The following SLC44A5 variants were observed in gnomAD, a reference collection of about 807,000 sequenced individuals.
SLC44A5 encodes solute carrier family 44 member 5, also known as choline transporter-like protein 5.
SLC44A5 carries 57 observed loss-of-function variants against 101.8 expected under a neutral mutation model. The ratio of observed to expected loss-of-function variants is 0.56; its 90% CI spans 0.45 to 0.70. SLC44A5 has a LOEUF of 0.70. SLC44A5 is among the 30% of genes least tolerant of loss of function. The pLI, the probability that SLC44A5 is intolerant of heterozygous loss-of-function variation, is 0.00. For missense variants in SLC44A5, 737 were observed against 853.1 expected (o/e 0.86, Z 1.70); for synonymous variants, 281 against 290.9 (o/e 0.97, Z 0.35).
the SLC44A5 span, among the ~76,000 whole-genome samples, chr1:75,708,647 C>T: frequency 2.6e-5 from 4 of 151,822 alleles, no homozygotes; most frequent in Non-Finnish European, 4.4e-5. Flanking sequence ...ACATTAAAAA[C>T]GATGGCAATT....
At chr1:75,581,385 G>C (rs78451433) in intron 1 of SLC44A5, among the ~76,000 whole-genome samples, 7,355 of 152,172 alleles carry the variant, frequency 0.048, 200 homozygotes, top group East Asian at 0.1. Context: ...AAATGAACTG[G>C]CTTATACTCA....
intron 4 of SLC44A5, among the ~76,000 whole-genome samples, chr1:75,325,072 A>G (rs1167134482): frequency 6.6e-6 from 1 of 152,182 alleles, no homozygotes; most frequent in South Asian, 2.1e-4. Context: ...ACAAGTAAAC[A>G]AAAAATTCTC....
the SLC44A5 span, among the ~76,000 whole-genome samples, chr1:75,692,973 T>G: frequency 6.6e-6 from 1 of 152,082 alleles, no homozygotes; most frequent in South Asian, 2.1e-4. Context: ...GCAAGACTGT[T>G]GAAGGTATAT....
intron 1 of SLC44A5, among the ~76,000 whole-genome samples, chr1:75,599,583 G>C (rs1674854231): frequency 6.6e-6 from 1 of 152,156 alleles, no homozygotes; most frequent in African/African-American, 2.4e-5. Flanking sequence ...TGTTATGGGA[G>C]CAATGAGAAA....
rs192095760 is a variant in SLC44A5, at chr1:75,222,639, A to G, written c.986-179T>C. On this transcript the variant is annotated intron_variant, in intron 13 of 23. Coordinates refer to ENST00000370859, the MANE Select transcript of SLC44A5 (RefSeq NM_001130058.2). ...CGAAATTAACTTTCACAAAATCCTAAGAAATCTAGATTAAAGCCTTTAGCA... is the reference window on the plus strand; with the variant it reads ...CGAAATTAACTTTCACAAAATCCTAGGAAATCTAGATTAAAGCCTTTAGCA... 4.5e-4 allele frequency among the ~76,000 whole-genome samples: 68 copies of G among 152,330 alleles called. 1 individual carries two copies. Among genetic ancestry groups the G allele is most frequent in the African/African-American group, 1.6e-3 (67 of 41,584 alleles).
At position 75,274,997 on chromosome 1, in the gene SLC44A5, C is replaced by T. The variant is rs1367903347; in HGVS notation, c.221G>A (p.Ser74Asn). The change falls in exon 6 of 24, where the codon AGC becomes AAC. Residue 74 changes from serine to asparagine, a missense_variant. Physicochemically the swap from Ser to Asn is conservative, Grantham distance 46. This residue lies in a region of SLC44A5 where 665 missense variants were observed against 764.4 expected (regional missense o/e 0.87). Transcript: ENST00000370859. ...DPRRAAYPTD[S>N]QGHFCGQKGT... is the part of the protein sequence containing the mutation. Reference sequence around the variant, plus strand: ...CTTCTGGCCACAAAAGTGGCCCTGGCTGTCTGTAGGATAGGCTGCTCTTCT... The same window carrying T: ...CTTCTGGCCACAAAAGTGGCCCTGGTTGTCTGTAGGATAGGCTGCTCTTCT... The T allele has an allele frequency of 1.2e-6, 2 of 1,612,966 alleles. No homozygotes were observed. The highest frequency in any genetic ancestry group is 3.3e-5 in the Admixed American group (2 of 59,792).
chr1:75,235,450 T>C (rs573565812), intron 11 of SLC44A5, among the ~76,000 whole-genome samples: 13 of 151,998 alleles, frequency 8.6e-5, no homozygotes, highest in Non-Finnish European at 1.5e-4. Flanking sequence ...CAGGTAGGTG[T>C]GAAAAAGCCA....
chr1:75,266,318 T>TACACACACACACACACAC (rs61250669), intron 6 of SLC44A5, among the ~76,000 whole-genome samples: 96 of 146,936 alleles, frequency 6.5e-4, no homozygotes, highest in African/African-American at 2.2e-3. Context: ...GGCATAGAAA[T>TACACACACACACACACAC]ACACACACAC....
chr1:75,535,138 T>A (rs1670927595), intron 2 of SLC44A5, among the ~76,000 whole-genome samples: 1 of 151,906 alleles, frequency 6.6e-6, no homozygotes, highest in African/African-American at 2.4e-5. Flanking sequence ...CACAATCTGC[T>A]TACCTAAGGA....
Position 75,431,052 on chromosome 1 carries a change from C to G in SLC44A5, c.14-34431G>C, listed in dbSNP as rs145697780. 4.4e-3 allele frequency among the ~76,000 whole-genome samples: 676 copies of G among 152,172 alleles called. 6 individuals carry two copies. Among genetic ancestry groups the G allele is most frequent in the African/African-American group, 0.015 (642 of 41,504 alleles). ...GAACTGGTTTTATCATACACCTGTA[C>G]AGTTATGTGAGGGGAGGATGGAGAC... On this transcript the variant is annotated intron_variant, in intron 2 of 23. Transcript: ENST00000370859.
At position 75,412,378 on chromosome 1, in the gene SLC44A5, C is replaced by A. The variant is rs571304832; in HGVS notation, c.14-15757G>T. ...TGACCAAGTGCTTCTATAACTACAT[C>A]CTGGGCCCATTTCAACCATTTTAAT... is the stretch of plus-strand genomic sequence containing the variant. On this transcript the variant is annotated intron_variant, in intron 2 of 23. Coordinates refer to ENST00000370859, the MANE Select transcript of SLC44A5 (RefSeq NM_001130058.2). 3.9e-5 allele frequency among the ~76,000 whole-genome samples: 6 copies of A among 152,242 alleles called. No homozygotes were observed. In the South Asian group the frequency reaches 1.2e-3, roughly 32 times the overall value.
At chr1:75,713,431 T>C in the SLC44A5 span, among the ~76,000 whole-genome samples, 11 of 152,172 alleles carry the variant, frequency 7.2e-5, no homozygotes, top group African/African-American at 2.4e-4. Context: ...TATGACTACA[T>C]ATAAGATTTT....
the SLC44A5 span, among the ~76,000 whole-genome samples, chr1:75,701,954 C>T: frequency 5.9e-5 from 9 of 151,908 alleles, no homozygotes; most frequent in Admixed American, 2.0e-4. Context: ...CTACAAGGGA[C>T]ATGAAGGACC....
intron 2 of SLC44A5, among the ~76,000 whole-genome samples, chr1:75,522,805 T>C (rs1474665289): frequency 6.6e-6 from 1 of 152,204 alleles, no homozygotes; most frequent in African/African-American, 2.4e-5. Flanking sequence ...ACTTGCTTCA[T>C]TTTGGGATGC....
chr1:75,361,412 T>C (rs1196663161), intron 3 of SLC44A5, among the ~76,000 whole-genome samples: 1 of 151,988 alleles, frequency 6.6e-6, no homozygotes, highest in Admixed American at 6.6e-5. Flanking sequence ...AGCTTTCAAG[T>C]TTTCACTGTT....
At chr1:75,330,657 G>C (rs1459245400) in intron 4 of SLC44A5, among the ~76,000 whole-genome samples, 1 of 151,814 alleles carries the variant, frequency 6.6e-6, no homozygotes, top group African/African-American at 2.4e-5. Context: ...TCTTCAGAAA[G>C]CTCTTCTTTG....
intron 2 of SLC44A5, among the ~76,000 whole-genome samples, chr1:75,417,394 G>C (rs975550926): frequency 6.6e-6 from 1 of 152,134 alleles, no homozygotes; most frequent in African/African-American, 2.4e-5. Flanking sequence ...TCTTTCTTTT[G>C]TAAATTACCC....
chr1:75,445,523 G>GTATATATTACGTAATATATACA (rs1665509348), intron 2 of SLC44A5, among the ~76,000 whole-genome samples: 4 of 147,790 alleles, frequency 2.7e-5, no homozygotes, highest in Admixed American at 6.8e-5. Context: ...TATAATATAT[G>GTATATATTACGTAATATATACA]TATATATTAC....
At chr1:75,319,813 A>G (rs989509871) in intron 4 of SLC44A5, among the ~76,000 whole-genome samples, 5 of 152,198 alleles carry the variant, frequency 3.3e-5, no homozygotes, top group South Asian at 2.1e-4. Context: ...AACAGATAAA[A>G]TAAAAATGTA....
Sources: allele counts gnomAD v4.1 joint callset (sites outside exome capture counted in the v4.1 genomes callset), GRCh38; gene constraint gnomAD v4.1.1; regional missense constraint gnomAD v4.1.1; transcripts MANE v1.5; gene names NCBI Gene and HGNC (gene_info 2026-07-23, HGNC 2026-07-21).